The following DLG2 variants were observed in gnomAD, a reference collection of about 807,000 sequenced individuals.
DLG2 encodes discs large MAGUK scaffold protein 2, also known as disks large homolog 2.
A neutral mutation model predicts 132.5 loss-of-function variants in DLG2; 45 were observed. The ratio of observed to expected loss-of-function variants is 0.34; its 90% confidence interval spans 0.27 to 0.44. DLG2 has a LOEUF of 0.44. Among genes scored for constraint, DLG2 ranks in the 20% least tolerant of loss-of-function variants. The probability of loss-of-function intolerance (pLI) is 1.00; values close to 1 mark genes in which losing one functional copy is unlikely to be tolerated. For synonymous variants in DLG2, 424 were observed against 419.6 expected, an observed-to-expected ratio of 1.01 and a Z score of -0.13; for missense variants, 1,045 against 1,196.9, an observed-to-expected ratio of 0.87 and a Z score of 1.87.
rs1306295746 is a variant in DLG2 at position 83,467,784 on chromosome 11, TATATATATATATATATATATATATATAC to T, written c.2620-995_2620-968del. On this transcript the variant is annotated intron_variant, in intron 25 of 27. Transcript: ENST00000376104. ...TAAAAACTATATGTATATATATATA[TATATATATATATATATATATATATATAC>T]ACACACACATATAAAATATATAATT... Among the ~76,000 whole-genome samples the T allele has an allele frequency of 1.7e-4, 16 of 93,208 alleles. 1 individual carries two copies. Among genetic ancestry groups the T allele is most frequent in the African/African-American group, 2.3e-4 (4 of 17,560 alleles). The allele number at this position is 93,208 out of a possible 152,430, so 61.1% of individuals were successfully genotyped here.
intron 11 of DLG2, among the ~76,000 whole-genome samples, chr11:84,001,733 T>C (rs2094356926): frequency 6.6e-6 from 1 of 152,114 alleles, no homozygotes; most frequent in Admixed American, 6.5e-5. Flanking sequence ...CAAAATCTTA[T>C]TGAGTATATT....
intron 18 of DLG2, among the ~76,000 whole-genome samples, chr11:83,681,323 G>A (rs1047637022): frequency 1.3e-5 from 2 of 152,122 alleles, no homozygotes; most frequent in Non-Finnish European, 2.9e-5. Flanking sequence ...GAGTTAGCAC[G>A]CATCCCGCCT....
intron 10 of DLG2, among the ~76,000 whole-genome samples, chr11:84,062,913 T>C (rs2096614406): frequency 1.3e-5 from 2 of 152,158 alleles, no homozygotes; most frequent in Admixed American, 6.6e-5. Flanking sequence ...TTTGCTCTCT[T>C]TACCAGTAGA....
intron 18 of DLG2, among the ~76,000 whole-genome samples, chr11:83,713,273 C>T (rs992904194): frequency 6.6e-6 from 1 of 152,140 alleles, no homozygotes; most frequent in African/African-American, 2.4e-5. Flanking sequence ...CCATAAGTTA[C>T]ACTACCTCAT....
At chr11:84,613,454 G>C (rs141896329) in intron 6 of DLG2, among the ~76,000 whole-genome samples, 4 of 152,116 alleles carry the variant, frequency 2.6e-5, no homozygotes, top group Admixed American at 6.6e-5. Flanking sequence ...CTTGGACAAG[G>C]TATTGGAACC....
intron 7 of DLG2, among the ~76,000 whole-genome samples, chr11:84,320,062 T>C (rs1423307307): frequency 6.6e-6 from 1 of 152,170 alleles, no homozygotes; most frequent in East Asian, 1.9e-4. Context: ...ATTGGACAAT[T>C]GTAATGACCA....
intron 8 of DLG2, among the ~76,000 whole-genome samples, chr11:84,189,833 G>T (rs983484188): frequency 6.6e-6 from 1 of 152,016 alleles, no homozygotes; most frequent in East Asian, 1.9e-4. Context: ...AGAGGCCTAT[G>T]GGGGGAAGGA....
At chr11:84,262,882 G>C (rs1401184474) in intron 7 of DLG2, among the ~76,000 whole-genome samples, 1 of 152,084 alleles carries the variant, frequency 6.6e-6, no homozygotes, top group East Asian at 1.9e-4. Context: ...GCTGCATAGT[G>C]TTCCTATTTT....
intron 7 of DLG2, among the ~76,000 whole-genome samples, chr11:84,304,197 T>C (rs2098189265): frequency 6.6e-6 from 1 of 152,174 alleles, no homozygotes; most frequent in South Asian, 2.1e-4. Flanking sequence ...AATTTAATAA[T>C]GATGCTACAT....
chr11:84,436,508 G>A (rs1431637811), intron 7 of DLG2, among the ~76,000 whole-genome samples: 1 of 152,126 alleles, frequency 6.6e-6, no homozygotes, highest in Non-Finnish European at 1.5e-5. Flanking sequence ...TATCCTCAGA[G>A]GAATATGAAA....
rs140700709 is a variant in DLG2 at position 85,621,632 on chromosome 11, T to G, written c.-93+4955A>C. Among the ~76,000 whole-genome samples the G allele has an allele frequency of 2.8e-3, 424 of 152,314 alleles. 6 individuals carry two copies. The highest frequency in any genetic ancestry group is 0.014 in the East Asian group (75 of 5,188). ...CTTCAGTGGAAGAAGTAACTTCAGA[T>G]GGAATGGAAATAGCAAGAGATCTAG... On this transcript the variant is annotated intron_variant, in intron 2 of 27. Transcript: ENST00000376104.
chr11:85,027,895 G>A (rs1042992749), intron 6 of DLG2, among the ~76,000 whole-genome samples: 8 of 152,278 alleles, frequency 5.3e-5, no homozygotes, highest in South Asian at 2.1e-4. Flanking sequence ...TGTGGTAAGC[G>A]GGGGAGGGGG....
At chr11:84,571,144 A>G (rs2099482609) in intron 6 of DLG2, among the ~76,000 whole-genome samples, 2 of 152,118 alleles carry the variant, frequency 1.3e-5, no homozygotes, top group Non-Finnish European at 2.9e-5. Flanking sequence ...TTTTTCATAA[A>G]TACAGAGTTT....
intron 7 of DLG2, among the ~76,000 whole-genome samples, chr11:84,408,247 T>C (rs2098868891): frequency 6.6e-6 from 1 of 152,090 alleles, no homozygotes; most frequent in African/African-American, 2.4e-5. Context: ...GACCAATGTC[T>C]TTATAAAAAA....
At chr11:84,561,709 A>G (rs2154526261) in intron 6 of DLG2, among the ~76,000 whole-genome samples, 1 of 152,310 alleles carries the variant, frequency 6.6e-6, no homozygotes, top group South Asian at 2.1e-4. Context: ...ATGCAACACA[A>G]ATGGGAAAAT....
rs1555372680 is a variant in DLG2 at position 83,743,449 on chromosome 11, T to TTA, written c.1825+43240_1825+43241insTA. 5.4e-4 allele frequency among the ~76,000 whole-genome samples: 67 copies of TTA among 124,092 alleles called. 11 individuals are homozygous for TTA. The highest frequency in any genetic ancestry group is 3.9e-3 in the Middle Eastern group (1 of 254). The allele number at this position is 124,092 out of a possible 152,430, so 81.4% of individuals were successfully genotyped here. ...AGGCCATTTTTTTTTTTTTTTTTTT[T>TTA]ATGACAGGGTCTCACTTTGTCACCC... On this transcript the variant is annotated intron_variant, in intron 18 of 27. Coordinates refer to ENST00000376104, the MANE Select transcript of DLG2 (RefSeq NM_001142699.3).
chr11:85,546,265 A>C (rs2076319278), intron 3 of DLG2, among the ~76,000 whole-genome samples: 1 of 152,022 alleles, frequency 6.6e-6, no homozygotes, highest in African/African-American at 2.4e-5. Context: ...AGTCATTCAG[A>C]AGTAGGTTGT....
chr11:84,702,934 C>T (rs1233951919), intron 6 of DLG2, among the ~76,000 whole-genome samples: 2 of 151,498 alleles, frequency 1.3e-5, no homozygotes, highest in African/African-American at 2.4e-5. Context: ...AATTACTTAT[C>T]GAGATAAAAA....
intron 7 of DLG2, among the ~76,000 whole-genome samples, chr11:84,389,375 A>G (rs1294970555): frequency 6.6e-6 from 1 of 151,960 alleles, no homozygotes; most frequent in Admixed American, 6.6e-5. Flanking sequence ...CTCCATAAAA[A>G]CCTGTCCCAA....
Sources: allele counts gnomAD v4.1 joint callset (sites outside exome capture counted in the v4.1 genomes callset), GRCh38; gene constraint gnomAD v4.1.1; transcripts MANE v1.5; gene names NCBI Gene and HGNC (gene_info 2026-07-23, HGNC 2026-07-21).